The following KIF5C variants were observed in gnomAD, a reference collection of about 807,000 sequenced individuals.
KIF5C encodes the protein kinesin family member 5C.
Under a neutral mutation model 125.2 loss-of-function variants are expected in KIF5C, and 18 were observed. That is an observed-to-expected ratio of 0.14 (90% CI 0.10 to 0.21). The LOEUF is 0.21. Ranked by LOEUF, KIF5C falls within the 10% of genes least tolerant of loss-of-function variation. KIF5C has a pLI of 1.00. For synonymous variants in KIF5C, 405 were observed against 434.0 expected, an observed-to-expected ratio of 0.93 and a Z score of 0.83; for missense variants, 780 against 1,183.8, an observed-to-expected ratio of 0.66 and a Z score of 5.01.
At position 148,983,636 on chromosome 2, in the gene KIF5C, C is replaced by T; in HGVS notation, c.1586C>T (p.Thr529Ile). Residue 529 changes from threonine to isoleucine, a missense_variant, in exon 15 of 26, where the codon ACA (threonine) becomes ATA (isoleucine). By Grantham distance (89) the Thr-to-Ile change is moderately conservative. Around this residue, in one of 2 missense-constraint regions of KIF5C, gnomAD observed 573 missense variants for 742.6 expected, o/e 0.77. Coordinates refer to ENST00000435030, the MANE Select transcript of KIF5C (RefSeq NM_004522.3). ...GTTTTTCAGACTACATTGACAACCA[C>T]ACAGAGAGAGCTGAGCCAGCTACAA... ...LAQKTTTLTTTQRELSQLQEL... is the reference protein window; with the variant it reads ...LAQKTTTLTTIQRELSQLQEL... 1.9e-6 allele frequency: 3 copies of T among 1,590,760 alleles called. No individual in the cohort carries two copies. In the South Asian group the frequency reaches 3.4e-5, roughly 18 times the overall value.
At chr2:148,941,761 T>C (rs995891575) in intron 5 of KIF5C, 103 bp downstream of exon 5, 10 of 1,485,402 alleles carry the variant, frequency 6.7e-6, no homozygotes, top group African/African-American at 2.8e-5. Context: ...TGAAAATTTA[T>C]AGAGATACTC....
rs749950408 is a variant in KIF5C, at chr2:148,997,277, A to T, written c.2037A>T (p.Glu679Asp). 5 of 1,612,976 alleles carry T rather than the reference A, an allele frequency of 3.1e-6. No individual in the cohort carries two copies. In the South Asian group the frequency reaches 3.3e-5, roughly 11 times the overall value. Residue 679 changes from glutamate (E) to aspartate (D), a missense_variant, in exon 18 of 26, where the codon GAA becomes GAT. This residue lies in a region of KIF5C where 573 missense variants were observed against 742.6 expected (regional missense o/e 0.77). Transcript: ENST00000435030. ...AATTCAAAACAGAAAAAATGCACGA[A>T]GTCAGCTTCCAGGATAAGGAGAAGG... ...AKLRAQEKMHEVSFQDKEKEH... is the reference protein window; with the variant it reads ...AKLRAQEKMHDVSFQDKEKEH...
chr2:148,928,656 T>G (rs181822856), intron 2 of KIF5C, among the ~76,000 whole-genome samples: 308 of 152,294 alleles, frequency 2.0e-3, no homozygotes, highest in African/African-American at 6.9e-3. Context: ...CTGGGCTGGC[T>G]TGTTAGCACT....
intron 15 of KIF5C, among the ~76,000 whole-genome samples, chr2:148,989,337 T>TACACAC (rs59582798): frequency 0.13 from 18,490 of 147,798 alleles, 1,368 homozygotes; most frequent in East Asian, 0.24. Flanking sequence ...TCCATGATTT[T>TACACAC]ACACACACAC....
chr2:148,975,461 C>G (rs1681034305), intron 12 of KIF5C, among the ~76,000 whole-genome samples: 1 of 152,150 alleles, frequency 6.6e-6, no homozygotes, highest in South Asian at 2.1e-4. Context: ...ATGTGACTTA[C>G]CCAAGTGTAT....
chr2:148,941,499 C>T (rs1682405180), intron 4 of KIF5C, 111 bp from the exon 5 acceptor site: 5 of 1,413,996 alleles, frequency 3.5e-6, no homozygotes, highest in Non-Finnish European at 4.8e-6. Context: ...TTGAACCCCT[C>T]TTCTTACTCT....
intron 4 of KIF5C, among the ~76,000 whole-genome samples, chr2:148,938,382 C>T (rs1682336660): frequency 6.6e-6 from 1 of 152,122 alleles, no homozygotes; most frequent in Admixed American, 6.5e-5. Context: ...GATCCTTATC[C>T]TAATTCTTGA....
Position 149,024,387 on chromosome 2 carries a change from C to G in KIF5C, c.*1317C>G, listed in dbSNP as rs550959442. The G allele has an allele frequency of 2.8e-4, 42 of 151,418 alleles. 1 individual carries two copies. The highest frequency in any genetic ancestry group is 9.7e-4 in the African/African-American group (40 of 41,082). 9.4% of individuals were successfully genotyped at this position (151,418 alleles called of 1,614,324 possible). A position where few individuals can be genotyped will look rare whatever the true frequency, so the allele number is the denominator to read the frequency against. On this transcript the variant is annotated 3_prime_UTR_variant, in exon 26 of 26. Coordinates refer to ENST00000435030, the MANE Select transcript of KIF5C (RefSeq NM_004522.3). Reference sequence around the variant, plus strand: ...AACCAATCTCGGTGGAAACTCCTATCCTATCATGTTGTGTGCCCAAGATGA... The same window carrying G: ...AACCAATCTCGGTGGAAACTCCTATGCTATCATGTTGTGTGCCCAAGATGA...
chr2:148,893,214 C>G (rs532530554), intron 1 of KIF5C, among the ~76,000 whole-genome samples: 2 of 152,136 alleles, frequency 1.3e-5, no homozygotes, highest in Non-Finnish European at 2.9e-5. Context: ...AATACAATTC[C>G]CTGTTTCCTT....
At chr2:148,887,797 A>C (rs1681585376) in intron 1 of KIF5C, among the ~76,000 whole-genome samples, 1 of 151,398 alleles carries the variant, frequency 6.6e-6, no homozygotes, top group Admixed American at 6.6e-5. Flanking sequence ...GTAGTTTTTC[A>C]CCCTACGCCC....
chr2:148,943,675 C>G (rs1682460231), intron 7 of KIF5C, among the ~76,000 whole-genome samples: 1 of 152,176 alleles, frequency 6.6e-6, no homozygotes, highest in South Asian at 2.1e-4. Context: ...ACCCTTATAG[C>G]TGCCCCAAGT....
chr2:149,007,916 G>A (rs1682060123), intron 22 of KIF5C, 47 bp from the exon 23 acceptor site: 1 of 1,487,274 alleles, frequency 6.7e-7, no homozygotes, highest in Non-Finnish European at 9.1e-7. Context: ...GGGGCGGAGG[G>A]TGGGTGGGTG....
At chr2:148,968,359 C>G (rs999816515) in intron 11 of KIF5C, among the ~76,000 whole-genome samples, 1 of 152,172 alleles carries the variant, frequency 6.6e-6, no homozygotes, top group Non-Finnish European at 1.5e-5. Context: ...AAATCTGTAG[C>G]CTCTAGTCTG....
chr2:148,890,253 A>T (rs1464387738), intron 1 of KIF5C, among the ~76,000 whole-genome samples: 1 of 152,254 alleles, frequency 6.6e-6, no homozygotes, highest in Non-Finnish European at 1.5e-5. Flanking sequence ...GGAAAGATGG[A>T]ATAACAGTTT....
intron 1 of KIF5C, among the ~76,000 whole-genome samples, chr2:148,901,102 C>T (rs999592434): frequency 3.9e-5 from 6 of 152,072 alleles, no homozygotes; most frequent in East Asian, 1.9e-4. Context: ...GTGGTTGTTG[C>T]GAGATGTTGC....
intron 24 of KIF5C, among the ~76,000 whole-genome samples, chr2:149,011,002 C>T (rs930501020): frequency 6.7e-6 from 1 of 148,740 alleles, no homozygotes; most frequent in African/African-American, 2.5e-5. Flanking sequence ...AGCTTCTTCT[C>T]CTTTTTTTTT....
intron 12 of KIF5C, 135 bp downstream of exon 12, chr2:148,973,646 T>C: frequency 1.6e-6 from 2 of 1,270,566 alleles, no homozygotes; most frequent in Non-Finnish European, 2.1e-6. Context: ...CCTAGCACTT[T>C]GATGGTGCAG....
At chr2:148,913,869 G>GT (rs950014128) in intron 1 of KIF5C, among the ~76,000 whole-genome samples, 20 of 149,086 alleles carry the variant, frequency 1.3e-4, no homozygotes, top group East Asian at 7.8e-4. Context: ...AAGAAGGTTT[G>GT]TTTTTTTTTT....
At chr2:148,901,331 C>T (rs1680895274) in intron 1 of KIF5C, among the ~76,000 whole-genome samples, 1 of 152,166 alleles carries the variant, frequency 6.6e-6, no homozygotes, top group Admixed American at 6.5e-5. Context: ...GTATGGTTGA[C>T]TGCTTCTGTG....
Sources: gnomAD v4.1 joint callset for allele counts (sites outside exome capture counted in the v4.1 genomes callset) on GRCh38, gnomAD v4.1.1 for gene constraint, gnomAD v4.1.1 regional missense constraint, MANE v1.5 for transcripts, NCBI Gene and HGNC (gene_info 2026-07-23, HGNC 2026-07-21) for gene names.